PRKCA: variants seen among roughly 807,000 people sequenced by gnomAD.
The protein encoded by PRKCA is protein kinase C alpha type.
A neutral mutation model predicts 87.0 loss-of-function variants in PRKCA; 27 were observed. The ratio of observed to expected loss-of-function variants is 0.31; its 90% CI spans 0.23 to 0.43. The LOEUF is 0.43. Among genes scored for constraint, PRKCA ranks in the 20% least tolerant of loss-of-function variants. The probability of loss-of-function intolerance (pLI) is 1.00; values close to 1 mark genes in which losing one functional copy is unlikely to be tolerated. For missense variants in PRKCA, 518 were observed against 852.3 expected, an observed-to-expected ratio of 0.61 and a Z score of 4.88; for synonymous variants, 329 against 311.1, an observed-to-expected ratio of 1.06 and a Z score of -0.61.
At chr17:66,397,275 C>CTTT (rs57003663) in intron 2 of PRKCA, among the ~76,000 whole-genome samples, 1,473 of 93,588 alleles carry the variant, frequency 0.016, 70 homozygotes, top group Admixed American at 0.031. Context: ...CCAGTGTAGA[C>CTTT]TTTTTTTTTT....
In PRKCA at chr17:66,786,864, C is replaced by T; in HGVS notation, c.1606-3C>T. 1 of 1,611,282 alleles carries T rather than the reference C, an allele frequency of 6.2e-7. No homozygotes were observed. Among genetic ancestry groups the T allele is most frequent in the South Asian group, 1.1e-5 (1 of 90,940 alleles). On this transcript the variant is annotated splice_region_variant and splice_polypyrimidine_tract_variant and intron_variant, in intron 14 of 16. Transcript: ENST00000413366. ...TTCCCATCTTTCTTTTTTTCCGGAACAGCCTCCATTTGATGGTGAAGATGA... is the reference window on the plus strand; with the variant it reads ...TTCCCATCTTTCTTTTTTTCCGGAATAGCCTCCATTTGATGGTGAAGATGA...
At chr17:66,784,065 GT>G (rs1490022099) in intron 14 of PRKCA, among the ~76,000 whole-genome samples, 1 of 152,198 alleles carries the variant, frequency 6.6e-6, no homozygotes, top group Non-Finnish European at 1.5e-5. Context: ...TGGAAAGTAT[GT>G]GTCTGGCCCT....
At chr17:66,621,065 C>T (rs1268318688) in intron 3 of PRKCA, among the ~76,000 whole-genome samples, 2 of 152,190 alleles carry the variant, frequency 1.3e-5, no homozygotes, top group Non-Finnish European at 1.5e-5. Flanking sequence ...TCCTAATAGT[C>T]TCCCTAAAGA....
intron 2 of PRKCA, among the ~76,000 whole-genome samples, chr17:66,410,084 G>A (rs1911685123): frequency 6.6e-6 from 1 of 152,188 alleles, no homozygotes; most frequent in Non-Finnish European, 1.5e-5. Context: ...TGCCAGGCTT[G>A]GAGTGAAGGT....
At chr17:66,433,841 A>T (rs1000526309) in intron 2 of PRKCA, among the ~76,000 whole-genome samples, 19 of 152,144 alleles carry the variant, frequency 1.2e-4, no homozygotes, top group African/African-American at 4.6e-4. Flanking sequence ...CACTGCACCC[A>T]GTCCACCTGA....
At chr17:66,446,642 C>G (rs1488323669) in intron 2 of PRKCA, among the ~76,000 whole-genome samples, 1 of 152,154 alleles carries the variant, frequency 6.6e-6, no homozygotes, top group African/African-American at 2.4e-5. Flanking sequence ...CTCATTGCTG[C>G]TTGTGATGAG....
chr17:66,777,084 G>A (rs999984416), intron 14 of PRKCA: 5 of 342,494 alleles, frequency 1.5e-5, no homozygotes, highest in South Asian at 2.3e-4. Flanking sequence ...TGCTGGCTGC[G>A]ACCAATTATT....
chr17:66,464,325 G>A (rs917892086), intron 2 of PRKCA, among the ~76,000 whole-genome samples: 1 of 152,148 alleles, frequency 6.6e-6, no homozygotes, highest in Admixed American at 6.6e-5. Flanking sequence ...TATGAAGAAG[G>A]CTGCCATAAA....
chr17:66,645,029 T>C (rs182843114), intron 4 of PRKCA, among the ~76,000 whole-genome samples: 11 of 152,294 alleles, frequency 7.2e-5, no homozygotes, highest in Non-Finnish European at 1.5e-5. Flanking sequence ...ATTTTCATAT[T>C]ATTTTGCCTC....
intron 2 of PRKCA, among the ~76,000 whole-genome samples, chr17:66,398,486 C>T (rs951159447): frequency 2.6e-5 from 4 of 152,092 alleles, no homozygotes; most frequent in African/African-American, 9.7e-5. Context: ...AGTTAAGTGG[C>T]AAAGAACTAA....
At chr17:66,318,661 C>G (rs1293994671) in intron 2 of PRKCA, among the ~76,000 whole-genome samples, 3 of 152,046 alleles carry the variant, frequency 2.0e-5, no homozygotes, top group Non-Finnish European at 4.4e-5. Flanking sequence ...TTGAGACTAG[C>G]CTGGCCAATG....
intron 5 of PRKCA, among the ~76,000 whole-genome samples, chr17:66,671,620 C>A (rs1040634724): frequency 6.6e-6 from 1 of 152,002 alleles, no homozygotes; most frequent in African/African-American, 2.4e-5. Flanking sequence ...GAGACCTACA[C>A]GTAAAGTAAA....
chr17:66,462,876 GGAA>G (rs1194318950), intron 2 of PRKCA, among the ~76,000 whole-genome samples: 2 of 151,710 alleles, frequency 1.3e-5, no homozygotes, highest in Non-Finnish European at 2.9e-5. Flanking sequence ...TGAAGGATGT[GGAA>G]GAAGAATTAC....
At chr17:66,620,678 C>G (rs181095067) in intron 3 of PRKCA, among the ~76,000 whole-genome samples, 2 of 152,256 alleles carry the variant, frequency 1.3e-5, no homozygotes, top group African/African-American at 4.8e-5. Context: ...CCGAGTGATT[C>G]TATCTAAGAA....
At chr17:66,345,576 T>G (rs1907310287) in intron 2 of PRKCA, among the ~76,000 whole-genome samples, 1 of 152,130 alleles carries the variant, frequency 6.6e-6, no homozygotes, top group Non-Finnish European at 1.5e-5. Context: ...TTCCTGGAGC[T>G]CCAGGGTCAG....
chr17:66,330,463 C>G (rs1906264050), intron 2 of PRKCA, among the ~76,000 whole-genome samples: 1 of 152,116 alleles, frequency 6.6e-6, no homozygotes, highest in African/African-American at 2.4e-5. Flanking sequence ...CTGTTGCCCC[C>G]TTTCCTTTAT....
At chr17:66,738,503 A>G (rs914659458) in intron 10 of PRKCA, among the ~76,000 whole-genome samples, 4 of 152,346 alleles carry the variant, frequency 2.6e-5, no homozygotes, top group Admixed American at 1.3e-4. Context: ...CTATAATAGC[A>G]TATGTAACAG....
intron 8 of PRKCA, among the ~76,000 whole-genome samples, chr17:66,724,070 A>G (rs1224782594): frequency 6.6e-6 from 1 of 152,162 alleles, no homozygotes; most frequent in Non-Finnish European, 1.5e-5. Context: ...GACCCACCCA[A>G]AGATTTTGTT....
chr17:66,315,480 CTTT>C (rs58393155), intron 2 of PRKCA, among the ~76,000 whole-genome samples: 32 of 139,818 alleles, frequency 2.3e-4, no homozygotes, highest in South Asian at 1.1e-3. Flanking sequence ...AGTGTTTTTT[CTTT>C]TTTTTTTTTT....
Sources: allele counts gnomAD v4.1 joint callset (sites outside exome capture counted in the v4.1 genomes callset), GRCh38; gene constraint gnomAD v4.1.1; transcripts MANE v1.5; gene names NCBI Gene and HGNC (gene_info 2026-07-23, HGNC 2026-07-21).